MTUS1: variants seen among roughly 807,000 people sequenced by gnomAD.
MTUS1 encodes microtubule-associated tumor suppressor 1.
A neutral mutation model predicts 120.8 loss-of-function variants in MTUS1; 109 were observed. The observed-to-expected ratio is 0.90, with a 90% CI of 0.77 to 1.06. MTUS1 has a LOEUF of 1.06. MTUS1 is among the 50% of genes least tolerant of loss of function. MTUS1 has a pLI of 0.00. For synonymous variants in MTUS1, 737 were observed against 550.5 expected, an observed-to-expected ratio of 1.34 and a Z score of -4.74; for missense variants, 2,210 against 1,486.3, an observed-to-expected ratio of 1.49 and a Z score of -8.01.
chr8:17,782,010 G>C (rs1326109727), intron 1 of MTUS1, among the ~76,000 whole-genome samples: 1 of 152,228 alleles, frequency 6.6e-6, no homozygotes, highest in Non-Finnish European at 1.5e-5. Context: ...TAACCTGATG[G>C]CCCTCGGTTG....
At chr8:17,750,772 T>C (rs1414394814) in intron 2 of MTUS1, among the ~76,000 whole-genome samples, 3 of 152,190 alleles carry the variant, frequency 2.0e-5, no homozygotes, top group Non-Finnish European at 4.4e-5. Context: ...TGAATAAATA[T>C]CAATTCCTTT....
intron 8 of MTUS1, among the ~76,000 whole-genome samples, chr8:17,666,207 T>C (rs1000202940): frequency 1.3e-5 from 2 of 150,568 alleles, no homozygotes; most frequent in African/African-American, 4.9e-5. Context: ...TCTGACAATA[T>C]GTTCTAAGAT....
chr8:17,754,273 G>A lies in MTUS1; in HGVS notation c.1535C>T (p.Ala512Val), dbSNP rs764837527. 1 of 1,613,896 alleles carries A rather than the reference G, an allele frequency of 6.2e-7. No individual in the cohort carries two copies. Among genetic ancestry groups the A allele is most frequent in the Non-Finnish European group, 8.5e-7 (1 of 1,179,970 alleles). ...YPRPNFKNVK[A>V]KVMSRAVLQP... ...CAACACTGCTCTAGACATAACTTTT[G>A]CTTTGACATTCTTGAAGTTTGGTCT... is the stretch of plus-strand genomic sequence containing the variant. Residue 512 changes from alanine to valine, a missense_variant, in exon 2 of 15, where the codon GCA becomes GTA. Ala to Val is a moderately conservative substitution (Grantham distance 64). Transcript: ENST00000693296.
At chr8:17,676,516 A>G in intron 7 of MTUS1, 1 of 590,126 alleles carries the variant, frequency 1.7e-6, no homozygotes, top group South Asian at 2.1e-5. Flanking sequence ...CACTCACAGA[A>G]GCTGATACTG....
chr8:17,707,448 G>T (rs1245330798), intron 6 of MTUS1, among the ~76,000 whole-genome samples: 1 of 152,116 alleles, frequency 6.6e-6, no homozygotes, highest in East Asian at 1.9e-4. Flanking sequence ...ACCTGGGAAA[G>T]TCATGCTTAT....
intron 8 of MTUS1, among the ~76,000 whole-genome samples, chr8:17,660,055 T>A (rs531393337): frequency 6.6e-6 from 1 of 152,156 alleles, no homozygotes; most frequent in Non-Finnish European, 1.5e-5. Flanking sequence ...TGTCACAATT[T>A]CCTTCCTTTT....
At position 17,709,880 on chromosome 8, in the gene MTUS1, A is replaced by G. The variant is rs572099573; in HGVS notation, c.2623+3334T>C. On this transcript the variant is annotated intron_variant, in intron 6 of 14. Transcript: ENST00000693296. ...AAATTAGCCGGGCATGGTGGCGAGC[A>G]CCTGTAGTCCCAGCTACTCGGGAGG... Among the ~76,000 whole-genome samples, 11 of 151,604 alleles carry G rather than the reference A, an allele frequency of 7.3e-5. No individual in the cohort carries two copies. The South Asian group carries it at 1.5e-3, about 20-fold the overall frequency.
intron 8 of MTUS1, among the ~76,000 whole-genome samples, chr8:17,667,272 G>C (rs974081172): frequency 1.3e-5 from 2 of 152,144 alleles, no homozygotes; most frequent in Non-Finnish European, 2.9e-5. Context: ...GAGATAAACA[G>C]CCCTGTTTTG....
chr8:17,713,874 G>T (rs1387840379), intron 5 of MTUS1, among the ~76,000 whole-genome samples: 1 of 152,138 alleles, frequency 6.6e-6, no homozygotes, highest in Non-Finnish European at 1.5e-5. Flanking sequence ...CAGAGATGAT[G>T]ATCTCTTAAA....
chr8:17,675,194 C>T lies in MTUS1; in HGVS notation c.2897G>A (p.Gly966Glu), dbSNP rs1410693190. ...TLSQELVNLR[G>E]ELVTASTTCE... ...CAACAAAAAGCTCTTACCTAGCTCTCCCCGGAGGTTAACAAGTTCTTGAGA... is the reference window on the plus strand; with the variant it reads ...CAACAAAAAGCTCTTACCTAGCTCTTCCCGGAGGTTAACAAGTTCTTGAGA... The change falls in exon 8 of 15, where the codon GGA becomes GAA. Residue 966 changes from glycine (G) to glutamate (E), a missense_variant. Transcript: ENST00000693296. 3 of 1,614,124 alleles carry T rather than the reference C, an allele frequency of 1.9e-6. No homozygotes were observed. The highest frequency in any genetic ancestry group is 2.5e-6 in the Non-Finnish European group (3 of 1,179,994).
intron 1 of MTUS1, among the ~76,000 whole-genome samples, chr8:17,777,338 C>G (rs1586347490): frequency 6.6e-6 from 1 of 151,740 alleles, no homozygotes; most frequent in African/African-American, 2.4e-5. Flanking sequence ...TACTTGGAGG[C>G]TGAGGCAAGA....
intron 6 of MTUS1, among the ~76,000 whole-genome samples, chr8:17,711,247 T>G (rs775879901): frequency 1.3e-5 from 2 of 152,236 alleles, no homozygotes. Context: ...GTGCAAGTCC[T>G]AAACAGCATC....
At chr8:17,664,485 A>C (rs1318485359) in intron 8 of MTUS1, among the ~76,000 whole-genome samples, 12 of 130,312 alleles carry the variant, frequency 9.2e-5, no homozygotes, top group South Asian at 2.7e-4. Context: ...TCTCTGCACC[A>C]TCTAGGATGG....
intron 1 of MTUS1, among the ~76,000 whole-genome samples, chr8:17,784,982 A>G (rs1563389557): frequency 6.6e-6 from 1 of 151,958 alleles, no homozygotes; most frequent in Non-Finnish European, 1.5e-5. Context: ...ACGGGGTTTC[A>G]CCATGTTGGC....
chr8:17,764,289 C>T (rs1449837738), intron 1 of MTUS1, among the ~76,000 whole-genome samples: 2 of 151,910 alleles, frequency 1.3e-5, no homozygotes, highest in African/African-American at 4.8e-5. Flanking sequence ...CTGGTGACAT[C>T]TGACCTATCC....
chr8:17,684,552 G>A lies in MTUS1; in HGVS notation c.2624-10C>T, dbSNP rs374837550. The A allele has an allele frequency of 1.1e-4, 174 of 1,606,118 alleles. No homozygotes were observed. The highest frequency in any genetic ancestry group is 1.4e-4 in the Non-Finnish European group (167 of 1,174,434). The stretch of plus-strand genomic sequence containing the variant: ...TGCCTGCTCTTTTCAACTGCAAAAC[G>A]AATTAACATAGGTACAAAGATAGGT... On this transcript the variant is annotated splice_polypyrimidine_tract_variant and intron_variant, in intron 6 of 14. Coordinates refer to ENST00000693296, the MANE Select transcript of MTUS1 (RefSeq NM_001363059.2).
chr8:17,697,339 G>C (rs780954646), intron 6 of MTUS1: 1 of 1,614,186 alleles, frequency 6.2e-7, no homozygotes, highest in East Asian at 2.2e-5. Context: ...TCAGTCGTAT[G>C]TGAATGGTGG....
rs1238927565 is a variant in MTUS1 at position 17,722,162 on chromosome 8, G to C, written c.2449+1510C>G. ...TGTATGGTAAACCCCTTTGTTAAAA[G>C]ACAAAAAGGAATGGACAAAAGCACT... On this transcript the variant is annotated intron_variant, in intron 4 of 14. Transcript: ENST00000693296. The C allele has an allele frequency of 5.4e-6, 6 of 1,116,950 alleles. No homozygotes were observed. The East Asian group carries it at 3.0e-4, about 56-fold the overall frequency. The allele number at this position is 1,116,950 out of a possible 1,614,324, so 69.2% of individuals were successfully genotyped here.
Position 17,644,893 on chromosome 8 carries a change from T to C in MTUS1, c.*1033A>G, listed in dbSNP as rs1293049482. On this transcript the variant is annotated 3_prime_UTR_variant, in exon 15 of 15. Coordinates refer to ENST00000693296, the MANE Select transcript of MTUS1 (RefSeq NM_001363059.2). ...TATCCTTGTCCCAGAGAAAAGTAGGTAGGAGGTAGAAGGTTTGCTTTTGTG... is the reference window on the plus strand; with the variant it reads ...TATCCTTGTCCCAGAGAAAAGTAGGCAGGAGGTAGAAGGTTTGCTTTTGTG... 2.6e-5 allele frequency: 4 copies of C among 152,032 alleles called. No homozygotes were observed. Among genetic ancestry groups the C allele is most frequent in the African/African-American group, 7.2e-5 (3 of 41,386 alleles). The allele number at this position is 152,032 out of a possible 1,614,324, so 9.4% of individuals were successfully genotyped here.
Sources: gnomAD v4.1 joint callset for allele counts (sites outside exome capture counted in the v4.1 genomes callset) on GRCh38, gnomAD v4.1.1 for gene constraint, MANE v1.5 for transcripts, NCBI Gene and HGNC (gene_info 2026-07-23, HGNC 2026-07-21) for gene names.